SLC28A3: variants seen among roughly 807,000 people sequenced by gnomAD.
SLC28A3 encodes the protein concentrative Na(+)-nucleoside cotransporter 3.
Under a neutral mutation model 84.2 loss-of-function variants are expected in SLC28A3, and 68 were observed. The observed-to-expected ratio is 0.81, with a 90% CI of 0.66 to 0.99. The LOEUF (loss-of-function observed/expected upper bound fraction) is 0.99, where lower values mean the gene tolerates loss of function less well. Among genes scored for constraint, SLC28A3 ranks in the 50% least tolerant of loss-of-function variants. SLC28A3 has a pLI of 0.00. For synonymous variants in SLC28A3, 267 were observed against 303.6 expected, an observed-to-expected ratio of 0.88 and a Z score of 1.25; for missense variants, 712 against 841.5, an observed-to-expected ratio of 0.85 and a Z score of 1.90.
intron 1 of SLC28A3, among the ~76,000 whole-genome samples, chr9:84,320,995 G>A (rs949314473): frequency 3.3e-5 from 5 of 149,884 alleles, no homozygotes; most frequent in Non-Finnish European, 5.9e-5. Flanking sequence ...AGAAAGAAAA[G>A]CTTTCAACCA....
At chr9:84,297,783 A>G in intron 7 of SLC28A3, 123 bp downstream of exon 7, 1 of 781,288 alleles carries the variant, frequency 1.3e-6, no homozygotes. Context: ...CTAACCCATG[A>G]TGCAGAATTA....
At chr9:84,322,870 A>G (rs1826422999) in intron 1 of SLC28A3, among the ~76,000 whole-genome samples, 1 of 152,172 alleles carries the variant, frequency 6.6e-6, no homozygotes, top group Non-Finnish European at 1.5e-5. Context: ...TACAGTATAT[A>G]AAACATTTAA....
In SLC28A3 at chr9:84,302,338, A is replaced by G; in HGVS notation, c.386T>C (p.Leu129Pro). 3 of 1,614,144 alleles carry G rather than the reference A, an allele frequency of 1.9e-6. No individual in the cohort carries two copies. The highest frequency in any genetic ancestry group is 2.5e-6 in the Non-Finnish European group (3 of 1,179,988). The part of the protein sequence containing the change: ...SACVLNFHRA[L>P]PLFVITVAAI... ...AGCCACGGTGATCACAAAAAGAGGA[A>G]GGGCTCTGTGAAAGTTCAGCACACA... Residue 129 changes from leucine (L) to proline (P), a missense_variant, in exon 5 of 18, where the codon CTT (leucine) becomes CCT (proline). Physicochemically the swap from Leu to Pro is moderately conservative, Grantham distance 98. Coordinates refer to ENST00000376238, the MANE Select transcript of SLC28A3 (RefSeq NM_001199633.2).
chr9:84,299,527 T>G (rs1232268359), intron 6 of SLC28A3, 54 bp downstream of exon 6: 1 of 1,603,732 alleles, frequency 6.2e-7, no homozygotes, highest in Non-Finnish European at 8.5e-7. Flanking sequence ...TTTGAGCAAT[T>G]TACACATGGG....
At chr9:84,320,542 G>C (rs1302314609) in intron 1 of SLC28A3, among the ~76,000 whole-genome samples, 1 of 151,776 alleles carries the variant, frequency 6.6e-6, no homozygotes, top group African/African-American at 2.4e-5. Context: ...TTCCTTTCCT[G>C]TGCTGTATCA....
chr9:84,313,315 C>T (rs371716480), intron 2 of SLC28A3, 44 bp downstream of exon 2: 37 of 1,555,820 alleles, frequency 2.4e-5, no homozygotes, highest in Middle Eastern at 1.8e-4. Context: ...TGTTGCGCAG[C>T]GGCTGCCATG....
At chr9:84,352,815 C>T in the SLC28A3 span, among the ~76,000 whole-genome samples, 3 of 145,576 alleles carry the variant, frequency 2.1e-5, no homozygotes, top group African/African-American at 5.1e-5. Flanking sequence ...ATTGCTTGAA[C>T]CTGGGAAGTG....
At chr9:84,360,164 T>C in the SLC28A3 span, among the ~76,000 whole-genome samples, 1 of 151,970 alleles carries the variant, frequency 6.6e-6, no homozygotes, top group African/African-American at 2.4e-5. Flanking sequence ...CTTAAGGCAT[T>C]TGTGTTCTAG....
intron 1 of SLC28A3, among the ~76,000 whole-genome samples, chr9:84,315,780 A>G (rs1356239154): frequency 6.6e-6 from 1 of 152,136 alleles, no homozygotes; most frequent in Non-Finnish European, 1.5e-5. Context: ...TCTTCTTTTT[A>G]AATTAGAGTC....
chr9:84,319,691 C>T (rs1045299071), intron 1 of SLC28A3, among the ~76,000 whole-genome samples: 16 of 152,102 alleles, frequency 1.1e-4, no homozygotes, highest in South Asian at 2.1e-4. Context: ...TTTCCCGTTA[C>T]TGTTCCTTGC....
At chr9:84,340,104 G>A (rs972797997) in intron 1 of SLC28A3, among the ~76,000 whole-genome samples, 2 of 152,194 alleles carry the variant, frequency 1.3e-5, no homozygotes, top group East Asian at 3.9e-4. Flanking sequence ...CACTCAGTGA[G>A]TTTTGGTTGA....
chr9:84,316,604 C>T (rs1048835102), intron 1 of SLC28A3, among the ~76,000 whole-genome samples: 4 of 152,206 alleles, frequency 2.6e-5, no homozygotes, highest in South Asian at 2.1e-4. Context: ...TCTGTACCAT[C>T]CACCTCAACT....
At chr9:84,327,064 A>G (rs1826588609) in intron 1 of SLC28A3, among the ~76,000 whole-genome samples, 2 of 152,214 alleles carry the variant, frequency 1.3e-5, no homozygotes, top group South Asian at 2.1e-4. Context: ...ACTCTCTTAA[A>G]ATCAAGAGGG....
intron 14 of SLC28A3, among the ~76,000 whole-genome samples, chr9:84,283,781 G>C (rs761715618): frequency 6.6e-6 from 1 of 152,202 alleles, no homozygotes; most frequent in Admixed American, 6.5e-5. Flanking sequence ...CTGGGGTTTT[G>C]CCTCACGGAC....
At chr9:84,348,176 G>A in the SLC28A3 span, among the ~76,000 whole-genome samples, 1 of 152,062 alleles carries the variant, frequency 6.6e-6, no homozygotes, top group Non-Finnish European at 1.5e-5. Context: ...TTTTAGATGA[G>A]TATAACATAA....
intron 1 of SLC28A3, among the ~76,000 whole-genome samples, chr9:84,332,705 T>C (rs1477956186): frequency 6.6e-6 from 1 of 152,146 alleles, no homozygotes; most frequent in Admixed American, 6.5e-5. Context: ...AACAATTTTA[T>C]CTTAATAAAG....
the SLC28A3 span, among the ~76,000 whole-genome samples, chr9:84,356,842 T>TAAATAAAATAAAATA: frequency 7.3e-5 from 11 of 151,516 alleles, no homozygotes; most frequent in South Asian, 4.2e-4. Context: ...AAAAAATAAA[T>TAAATAAAATAAAATA]AAATAAAATA....
intron 2 of SLC28A3, among the ~76,000 whole-genome samples, chr9:84,311,541 T>G (rs1301748783): frequency 6.6e-6 from 1 of 151,596 alleles, no homozygotes; most frequent in Non-Finnish European, 1.5e-5. Flanking sequence ...TCAGGCATAC[T>G]AGTTTCATGG....
chr9:84,367,319 A>G, the SLC28A3 span, among the ~76,000 whole-genome samples: 1 of 152,174 alleles, frequency 6.6e-6, no homozygotes, highest in Non-Finnish European at 1.5e-5. Context: ...GGGCAGGTCC[A>G]GAGATATCCA....
Sources: gnomAD v4.1 joint callset for allele counts (sites outside exome capture counted in the v4.1 genomes callset) on GRCh38, gnomAD v4.1.1 for gene constraint, MANE v1.5 for transcripts, NCBI Gene and HGNC (gene_info 2026-07-23, HGNC 2026-07-21) for gene names.